The following RALGAPA1 variants were observed in gnomAD, a reference collection of about 807,000 sequenced individuals.
RALGAPA1 encodes the protein ral GTPase-activating protein subunit alpha-1.
Under a neutral mutation model 269.6 loss-of-function variants are expected in RALGAPA1, and 52 were observed. The ratio of observed to expected loss-of-function variants is 0.19; its 90% confidence interval spans 0.15 to 0.24. The LOEUF (loss-of-function observed/expected upper bound fraction) is 0.24, where lower values mean the gene tolerates loss of function less well. Ranked by LOEUF, RALGAPA1 falls within the 10% of genes least tolerant of loss-of-function variation. The pLI is 1.00. For synonymous variants in RALGAPA1, 817 were observed against 1,008.3 expected (o/e 0.81, Z 3.60); for missense variants, 1,917 against 3,013.9 (o/e 0.64, Z 8.52).
intron 27 of RALGAPA1, among the ~76,000 whole-genome samples, chr14:35,663,001 G>T (rs868384137): frequency 3.3e-5 from 5 of 151,930 alleles, no homozygotes; most frequent in Non-Finnish European, 7.4e-5. Context: ...CACAACCATG[G>T]CATAAGTGCT....
intron 39 of RALGAPA1, among the ~76,000 whole-genome samples, chr14:35,553,996 T>C (rs561395289): frequency 1.3e-4 from 20 of 152,312 alleles, no homozygotes; most frequent in Non-Finnish European, 2.1e-4. Flanking sequence ...TTTATCTCCC[T>C]TCTCTAGACA....
chr14:35,710,585 C>T (rs7152897), intron 16 of RALGAPA1, among the ~76,000 whole-genome samples: 6,160 of 152,196 alleles, frequency 0.04, 363 homozygotes, highest in African/African-American at 0.12. Flanking sequence ...TGTAATACCC[C>T]TCTTTATTCT....
chr14:35,701,430 T>G (rs2067342109), intron 16 of RALGAPA1, among the ~76,000 whole-genome samples: 1 of 152,182 alleles, frequency 6.6e-6, no homozygotes, highest in South Asian at 2.1e-4. Context: ...ACACAAGGCC[T>G]TTACGACTTG....
intron 35 of RALGAPA1, among the ~76,000 whole-genome samples, chr14:35,614,439 C>T (rs1251941099): frequency 3.3e-5 from 5 of 151,742 alleles, no homozygotes; most frequent in African/African-American, 1.2e-4. Flanking sequence ...AATCATCATG[C>T]TAAGTAAAAA....
chr14:35,721,911 T>G, intron 15 of RALGAPA1, 62 bp from the exon 16 acceptor site: 1 of 1,396,542 alleles, frequency 7.2e-7, no homozygotes, highest in Non-Finnish European at 1.0e-6. Flanking sequence ...CTTCAAGTTA[T>G]GCGTGCTACC....
intron 37 of RALGAPA1, among the ~76,000 whole-genome samples, chr14:35,580,231 C>A (rs1333920755): frequency 6.6e-6 from 1 of 152,104 alleles, no homozygotes; most frequent in Non-Finnish European, 1.5e-5. Flanking sequence ...TCAACTTGAT[C>A]TTCATCAAAC....
intron 1 of RALGAPA1, among the ~76,000 whole-genome samples, chr14:35,780,437 T>C (rs1478329246): frequency 6.6e-6 from 1 of 152,180 alleles, no homozygotes; most frequent in African/African-American, 2.4e-5. Flanking sequence ...CAAATGCACA[T>C]GGTATACTAT....
chr14:35,775,915 A>T (rs2074989781), intron 1 of RALGAPA1, among the ~76,000 whole-genome samples, 170 bp from the exon 2 acceptor site: 2 of 152,232 alleles, frequency 1.3e-5, no homozygotes, highest in African/African-American at 2.4e-5. Flanking sequence ...TTAAAACTTT[A>T]GTCTTTGCCG....
At chr14:35,639,137 C>T (rs1274235013) in intron 31 of RALGAPA1, among the ~76,000 whole-genome samples, 3 of 151,806 alleles carry the variant, frequency 2.0e-5, no homozygotes, top group African/African-American at 7.3e-5. Flanking sequence ...CCAAAAAAAG[C>T]AGAAGTAGTT....
chr14:35,559,678 A>C (rs1385681750), intron 39 of RALGAPA1, among the ~76,000 whole-genome samples: 2 of 152,212 alleles, frequency 1.3e-5, no homozygotes, highest in Non-Finnish European at 2.9e-5. Flanking sequence ...CCATACTGTT[A>C]CACTAAATTT....
intron 41 of RALGAPA1, 75 bp from the exon 42 acceptor site, chr14:35,539,765 A>C (rs1451684394): frequency 6.4e-7 from 1 of 1,565,578 alleles, no homozygotes; most frequent in African/African-American, 1.4e-5. Flanking sequence ...TCTGCTACTA[A>C]TCTGCAGCAA....
intron 12 of RALGAPA1, among the ~76,000 whole-genome samples, chr14:35,737,035 C>CAA (rs556177197): frequency 2.4e-4 from 14 of 57,236 alleles, no homozygotes; most frequent in Middle Eastern, 0.01. Flanking sequence ...GGCTCCATCT[C>CAA]AAAAAAAAAA....
chr14:35,723,476 C>T (rs2069616763), intron 14 of RALGAPA1: 1 of 385,008 alleles, frequency 2.6e-6, no homozygotes, highest in Admixed American at 4.2e-5. Context: ...TCCCAACACC[C>T]AGCAATCTAA....
chr14:35,703,294 A>G (rs992883994), intron 16 of RALGAPA1, among the ~76,000 whole-genome samples: 3 of 152,192 alleles, frequency 2.0e-5, no homozygotes, highest in Admixed American at 2.0e-4. Context: ...CAACTGAGGG[A>G]GACCCCATCT....
chr14:35,716,668 G>C (rs1006619845), intron 16 of RALGAPA1, among the ~76,000 whole-genome samples: 1 of 152,012 alleles, frequency 6.6e-6, no homozygotes, highest in African/African-American at 2.4e-5. Context: ...GATTCCATGG[G>C]AGTTCATATA....
At chr14:35,796,446 C>A (rs1030141899) in intron 1 of RALGAPA1, among the ~76,000 whole-genome samples, 1 of 152,026 alleles carries the variant, frequency 6.6e-6, no homozygotes, top group African/African-American at 2.4e-5. Flanking sequence ...GAGTTCTAAA[C>A]GTAAGGCGGG....
At chr14:35,701,475 A>T (rs1359961740) in intron 16 of RALGAPA1, among the ~76,000 whole-genome samples, 1 of 152,104 alleles carries the variant, frequency 6.6e-6, no homozygotes, top group African/African-American at 2.4e-5. Flanking sequence ...CTTTTCTTTT[A>T]CTGTCCTCCC....
chr14:35,681,039 T>C (rs1479451011), intron 21 of RALGAPA1, among the ~76,000 whole-genome samples: 1 of 152,190 alleles, frequency 6.6e-6, no homozygotes, highest in Non-Finnish European at 1.5e-5. Flanking sequence ...GGTTATCTAA[T>C]TTTCATTCTT....
At position 35,572,509 on chromosome 14, in the gene RALGAPA1, C is replaced by T. The variant is rs768449552; in HGVS notation, c.7368+51G>A. 9.7e-5 allele frequency: 138 copies of T among 1,418,458 alleles called. No homozygotes were observed. The Admixed American group carries it at 2.3e-3, about 24-fold the overall frequency. The allele number at this position is 1,418,458 out of a possible 1,614,324, so 87.9% of individuals were successfully genotyped here. On this transcript the variant is annotated intron_variant, in intron 38 of 41. Transcript: ENST00000680220. ...TGTAACATGGAAAGAAACCCATGAA[C>T]CCCTATAGAACCAAAATCTATTACT...
Sources: allele counts gnomAD v4.1 joint callset (sites outside exome capture counted in the v4.1 genomes callset), GRCh38; gene constraint gnomAD v4.1.1; transcripts MANE v1.5; gene names NCBI Gene and HGNC (gene_info 2026-07-23, HGNC 2026-07-21).